Variants in KCNAB1 observed in about 807,000 individuals in gnomAD.
The protein encoded by KCNAB1 is potassium voltage-gated channel subfamily A regulatory beta subunit 1.
In KCNAB1, 35 loss-of-function variants were observed where a neutral mutation model predicts 64.6. That is an observed-to-expected ratio of 0.54 (90% CI 0.41 to 0.72). KCNAB1 has a LOEUF of 0.72. KCNAB1 is among the 30% of genes least tolerant of loss of function. The pLI, the probability that KCNAB1 is intolerant of heterozygous loss-of-function variation, is 0.00. For missense variants in KCNAB1, 401 were observed against 512.9 expected (o/e 0.78, Z 2.11); for synonymous variants, 177 against 183.8 (o/e 0.96, Z 0.30).
chr3:156,523,626 A>G, intron 11 of KCNAB1: 1 of 548,736 alleles, frequency 1.8e-6, no homozygotes, highest in Non-Finnish European at 3.2e-6. Flanking sequence ...ATTAGTCAAA[A>G]TCAATCTGTT....
chr3:156,308,261 A>G (rs1721648053), intron 1 of KCNAB1, among the ~76,000 whole-genome samples: 1 of 152,230 alleles, frequency 6.6e-6, no homozygotes, highest in South Asian at 2.1e-4. Flanking sequence ...AATCAGGAGA[A>G]CATTAAGGTT....
intron 1 of KCNAB1, among the ~76,000 whole-genome samples, chr3:156,331,848 G>A (rs77585991): frequency 6.6e-6 from 1 of 152,096 alleles, no homozygotes; most frequent in East Asian, 1.9e-4. Flanking sequence ...GCGGCAGGGG[G>A]TCAAATTTTC....
chr3:156,494,065 T>C (rs977194272), intron 8 of KCNAB1, among the ~76,000 whole-genome samples: 8 of 152,126 alleles, frequency 5.3e-5, no homozygotes, highest in Non-Finnish European at 7.4e-5. Context: ...TGATGCGTAA[T>C]TTTAGCGTTC....
At chr3:156,421,024 T>C (rs769384957) in intron 1 of KCNAB1, among the ~76,000 whole-genome samples, 60 of 149,760 alleles carry the variant, frequency 4.0e-4, no homozygotes, top group African/African-American at 1.4e-3. Context: ...ATATAGGATA[T>C]AGTTAAAATA....
intron 2 of KCNAB1, among the ~76,000 whole-genome samples, chr3:156,442,132 C>T (rs1045577388): frequency 6.6e-6 from 1 of 152,146 alleles, no homozygotes; most frequent in Admixed American, 6.5e-5. Context: ...TTGGGAGTGT[C>T]ATGCCTACAT....
intron 1 of KCNAB1, chr3:156,176,985 C>T (rs1712422499): frequency 3.1e-6 from 2 of 644,692 alleles, no homozygotes; most frequent in Non-Finnish European, 5.5e-6. Context: ...CTCCGTGGAG[C>T]TCTCCCATCC....
chr3:156,377,800 T>A (rs913329699), intron 1 of KCNAB1, among the ~76,000 whole-genome samples: 1 of 151,860 alleles, frequency 6.6e-6, no homozygotes, highest in Non-Finnish European at 1.5e-5. Flanking sequence ...AAAGGCCCAG[T>A]AAAGCTTCCA....
At chr3:156,246,319 A>T (rs893283636) in intron 1 of KCNAB1, among the ~76,000 whole-genome samples, 1 of 151,528 alleles carries the variant, frequency 6.6e-6, no homozygotes, top group African/African-American at 2.4e-5. Flanking sequence ...CTAAAAGTTA[A>T]CATAGGCCAG....
chr3:156,140,450 C>G lies in KCNAB1; in HGVS notation c.275+19564C>G, dbSNP rs190182168. On this transcript the variant is annotated intron_variant, in intron 1 of 13. Transcript: ENST00000490337. ...TCTTCCCGGTTGAAGGGCCGCTGCT[C>G]TCTCCTTCCAGTGTCCTTACATGGT... 1.5e-4 allele frequency among the ~76,000 whole-genome samples: 23 copies of G among 152,272 alleles called. No individual in the cohort carries two copies. In the East Asian group the frequency reaches 4.4e-3, roughly 29 times the overall value.
At chr3:156,389,411 G>C (rs1712854793) in intron 1 of KCNAB1, among the ~76,000 whole-genome samples, 1 of 152,196 alleles carries the variant, frequency 6.6e-6, no homozygotes, top group Admixed American at 6.5e-5. Context: ...GAACAAGCAA[G>C]TCTGAATCTC....
intron 1 of KCNAB1, among the ~76,000 whole-genome samples, chr3:156,310,245 G>A (rs1721800975): frequency 6.6e-6 from 1 of 152,136 alleles, no homozygotes; most frequent in African/African-American, 2.4e-5. Flanking sequence ...TGCCATGACT[G>A]TACAACATCT....
intron 1 of KCNAB1, among the ~76,000 whole-genome samples, chr3:156,310,009 TG>T (rs1324664245): frequency 6.6e-6 from 1 of 152,178 alleles, no homozygotes; most frequent in Non-Finnish European, 1.5e-5. Flanking sequence ...CAGGGCTTGT[TG>T]AGTGATGAGA....
At chr3:156,434,282 T>G (rs1291546675) in intron 2 of KCNAB1, among the ~76,000 whole-genome samples, 2 of 152,092 alleles carry the variant, frequency 1.3e-5, no homozygotes, top group African/African-American at 4.8e-5. Context: ...GTGGTGAGGG[T>G]TGAGAATAGA....
intron 1 of KCNAB1, among the ~76,000 whole-genome samples, chr3:156,373,372 G>A (rs547275955): frequency 2.6e-4 from 39 of 152,308 alleles, no homozygotes; most frequent in African/African-American, 8.4e-4. Flanking sequence ...GTCCTTAAAT[G>A]GGGAGCTTAA....
At chr3:156,324,612 A>T (rs1722857402) in intron 1 of KCNAB1, among the ~76,000 whole-genome samples, 2 of 152,144 alleles carry the variant, frequency 1.3e-5, no homozygotes, top group African/African-American at 4.8e-5. Context: ...TTCGGAACTG[A>T]TACCAAGTGG....
At chr3:156,270,663 C>T (rs945426780) in intron 1 of KCNAB1, among the ~76,000 whole-genome samples, 4 of 152,068 alleles carry the variant, frequency 2.6e-5, no homozygotes, top group African/African-American at 9.7e-5. Flanking sequence ...GAAAAGTTCT[C>T]GTAGTTATTA....
At chr3:156,384,397 C>T (rs562144678) in intron 1 of KCNAB1, among the ~76,000 whole-genome samples, 131 of 152,280 alleles carry the variant, frequency 8.6e-4, no homozygotes, top group Admixed American at 3.5e-3. Context: ...CTGAAAAGCC[C>T]GATTTTCCCT....
chr3:156,478,445 T>C (rs1004037575), intron 8 of KCNAB1, among the ~76,000 whole-genome samples: 1 of 152,078 alleles, frequency 6.6e-6, no homozygotes, highest in Non-Finnish European at 1.5e-5. Context: ...GCACCTCTTT[T>C]AAACACAGGG....
At chr3:156,281,607 G>C (rs141471412) in intron 1 of KCNAB1, among the ~76,000 whole-genome samples, 3,341 of 152,226 alleles carry the variant, frequency 0.022, 147 homozygotes, top group African/African-American at 0.077. Flanking sequence ...GACTCTTTTT[G>C]ATTGGTAAGC....
Sources: gnomAD v4.1 joint callset for allele counts (sites outside exome capture counted in the v4.1 genomes callset) on GRCh38, gnomAD v4.1.1 for gene constraint, MANE v1.5 for transcripts, NCBI Gene and HGNC (gene_info 2026-07-23, HGNC 2026-07-21) for gene names.